RP1: variants seen among roughly 807,000 people sequenced by gnomAD.
The protein encoded by RP1 is RP1 axonemal microtubule associated, also known as oxygen-regulated protein 1.
RP1 carries 16 observed loss-of-function variants against 14.8 expected under a neutral mutation model. The ratio of observed to expected loss-of-function variants is 1.08; its 90% CI spans 0.73 to 1.65. RP1 has a LOEUF of 1.65. RP1 is among the 40% of genes most tolerant of loss of function. RP1 has a pLI of 0.00. For synonymous variants in RP1, 876 were observed against 883.6 expected (o/e 0.99, Z 0.15); for missense variants, 2,631 against 2,535.0 (o/e 1.04, Z -0.81).
chr8:54,669,913 G>T (rs940799454), intron 7 of RP1, among the ~76,000 whole-genome samples: 1 of 152,062 alleles, frequency 6.6e-6, no homozygotes, highest in Admixed American at 6.6e-5. Flanking sequence ...AGCATTAGGA[G>T]AAATACCTAA....
At chr8:54,829,028 G>A (rs981377901) in intron 24 of RP1, among the ~76,000 whole-genome samples, 3 of 151,556 alleles carry the variant, frequency 2.0e-5, no homozygotes, top group Admixed American at 6.6e-5. Context: ...GAGTAGCTGG[G>A]ATTACAGGTG....
At chr8:54,855,781 TCA>T (rs1230250730) in intron 26 of RP1, among the ~76,000 whole-genome samples, 1 of 152,018 alleles carries the variant, frequency 6.6e-6, no homozygotes, top group Non-Finnish European at 1.5e-5. Context: ...TCAATGAAAA[TCA>T]CAGTGAAGTG....
intron 17 of RP1, among the ~76,000 whole-genome samples, chr8:54,727,327 A>AT (rs1193056424): frequency 6.6e-6 from 1 of 152,106 alleles, no homozygotes; most frequent in Non-Finnish European, 1.5e-5. Context: ...ATCACACTGA[A>AT]TGAGAAATAT....
chr8:54,794,263 G>GA (rs1193812441), intron 24 of RP1, among the ~76,000 whole-genome samples: 4 of 151,154 alleles, frequency 2.6e-5, no homozygotes, highest in South Asian at 2.1e-4. Flanking sequence ...AAGCATTCTT[G>GA]AAAAAAAAGA....
At chr8:54,613,722 G>C (rs1490671417), upstream of RP1, among the ~76,000 whole-genome samples, 1 of 152,150 alleles carries the variant, frequency 6.6e-6, no homozygotes, top group Non-Finnish European at 1.5e-5. Flanking sequence ...AAAATGTATG[G>C]CAATGAAAGG....
intron 1 of RP1, among the ~76,000 whole-genome samples, chr8:54,617,950 C>T (rs1391939206): frequency 1.3e-5 from 2 of 152,222 alleles, no homozygotes; most frequent in African/African-American, 4.8e-5. Context: ...GGGTTTTACA[C>T]ACAAGGCCCT....
chr8:54,807,006 A>G (rs1810868493), intron 24 of RP1, among the ~76,000 whole-genome samples: 1 of 152,248 alleles, frequency 6.6e-6, no homozygotes, highest in Non-Finnish European at 1.5e-5. Context: ...GTTCTAGGTG[A>G]CAGAAATGTT....
intron 24 of RP1, among the ~76,000 whole-genome samples, chr8:54,813,936 A>G (rs1303354025): frequency 6.6e-6 from 1 of 152,208 alleles, no homozygotes; most frequent in East Asian, 1.9e-4. Flanking sequence ...CCTGCTCTGA[A>G]TCTTAGAGGC....
At chr8:54,813,199 A>G (rs183614130) in intron 24 of RP1, among the ~76,000 whole-genome samples, 1 of 152,218 alleles carries the variant, frequency 6.6e-6, no homozygotes, top group Non-Finnish European at 1.5e-5. Context: ...CAACATCTAC[A>G]TGGTTCCCAT....
chr8:54,777,881 G>A (rs555920267), intron 23 of RP1, among the ~76,000 whole-genome samples: 1 of 152,172 alleles, frequency 6.6e-6, no homozygotes, highest in African/African-American at 2.4e-5. Flanking sequence ...CAATTATGAG[G>A]CAAATAACAA....
At chr8:54,768,264 C>T (rs938293715) in intron 22 of RP1, among the ~76,000 whole-genome samples, 1 of 152,176 alleles carries the variant, frequency 6.6e-6, no homozygotes, top group African/African-American at 2.4e-5. Flanking sequence ...TTTTTTTGTT[C>T]TTCATTCCTT....
intron 18 of RP1, among the ~76,000 whole-genome samples, chr8:54,737,093 G>T (rs1028025369): frequency 6.6e-6 from 1 of 152,134 alleles, no homozygotes; most frequent in East Asian, 1.9e-4. Flanking sequence ...TGAGGACAAT[G>T]TGGGATATTT....
Position 54,625,382 on chromosome 8 carries a change from G to A in RP1, c.1500G>A (p.Met500Ile), listed in dbSNP as rs995188028. The change falls in exon 4 of 4, where the codon ATG (methionine) becomes ATA (isoleucine). Residue 500 changes from methionine (M) to isoleucine (I), a missense_variant. Coordinates refer to ENST00000220676, the MANE Select transcript of RP1 (RefSeq NM_006269.2). ...GGGAAAACAAGTCTGAGTATCACAT[G>A]TTTACACATTCTTGCAGTAAAATGT... is the stretch of plus-strand genomic sequence containing the variant. ...ESGENKSEYH[M>I]FTHSCSKMSS... 28 of 1,613,886 alleles carry A rather than the reference G, an allele frequency of 1.7e-5. No individual in the cohort carries two copies. The highest frequency in any genetic ancestry group is 1.7e-4 in the Admixed American group (10 of 60,006).
At chr8:54,865,682 T>G (rs1812441495) in intron 27 of RP1, among the ~76,000 whole-genome samples, 1 of 151,862 alleles carries the variant, frequency 6.6e-6, no homozygotes, top group African/African-American at 2.4e-5. Context: ...ACTCACATTT[T>G]CATTTCTCTA....
chr8:54,624,712 C>G lies in RP1; in HGVS notation c.830C>G (p.Ser277Cys), dbSNP rs267601949. 6.2e-7 allele frequency: 1 copy of G among 1,613,864 alleles called. No individual in the cohort carries two copies. Among genetic ancestry groups the G allele is most frequent in the Non-Finnish European group, 8.5e-7 (1 of 1,179,920 alleles). ...MSSSSRSQIY[S>C]VSSEKTHNND... is the part of the protein sequence containing the mutation. ...TCAAGCTCAAGGTCCCAGATTTATT[C>G]TGTTTCTTCTGAGAAAACACATAAT... Residue 277 changes from serine (S) to cysteine (C), a missense_variant, in exon 4 of 4, where the codon TCT becomes TGT. Ser to Cys is a moderately radical substitution (Grantham distance 112, BLOSUM62 -1). Coordinates refer to ENST00000220676, the MANE Select transcript of RP1 (RefSeq NM_006269.2).
intron 1 of RP1, among the ~76,000 whole-genome samples, chr8:54,581,792 C>T (rs1804797453): frequency 6.6e-6 from 1 of 152,196 alleles, no homozygotes; most frequent in South Asian, 2.1e-4. Flanking sequence ...CTTTTGGCTG[C>T]ATAAATGTCT....
At chr8:54,744,450 A>C (rs926592317) in intron 19 of RP1, among the ~76,000 whole-genome samples, 1 of 152,344 alleles carries the variant, frequency 6.6e-6, no homozygotes, top group Admixed American at 6.5e-5. Context: ...TTGTTCCCCA[A>C]TGAAAGGCAA....
chr8:54,783,699 G>T (rs1810246487), exon 24 of RP1: 2 of 1,230,942 alleles, frequency 1.6e-6, no homozygotes, highest in Non-Finnish European at 2.0e-6. Context: ...TAACACTGCA[G>T]ATATATTCAA....
chr8:54,811,001 G>A (rs1810980033), intron 24 of RP1, among the ~76,000 whole-genome samples: 1 of 152,166 alleles, frequency 6.6e-6, no homozygotes, highest in South Asian at 2.1e-4. Context: ...GTGAAGTATA[G>A]TTTCATATAG....
Sources: allele counts gnomAD v4.1 joint callset (sites outside exome capture counted in the v4.1 genomes callset), GRCh38; gene constraint gnomAD v4.1.1; transcripts MANE v1.5; gene names NCBI Gene and HGNC (gene_info 2026-07-23, HGNC 2026-07-21).